Variants in SOX5 observed in about 807,000 individuals in gnomAD.
The protein encoded by SOX5 is transcription factor SOX-5.
Under a neutral mutation model 92.0 loss-of-function variants are expected in SOX5, and 9 were observed. The observed-to-expected ratio is 0.10, with a 90% CI of 0.06 to 0.17. The LOEUF is 0.17. SOX5 is among the 10% of genes least tolerant of loss of function. The pLI, the probability that SOX5 is intolerant of heterozygous loss-of-function variation, is 1.00. For missense variants in SOX5, 642 were observed against 944.5 expected, an observed-to-expected ratio of 0.68 and a Z score of 4.20; for synonymous variants, 344 against 336.3, an observed-to-expected ratio of 1.02 and a Z score of -0.25.
intron 1 of SOX5, among the ~76,000 whole-genome samples, chr12:24,419,798 T>C (rs1436912712): frequency 6.6e-6 from 1 of 152,192 alleles, no homozygotes; most frequent in Non-Finnish European, 1.5e-5. Flanking sequence ...AAGATAAACA[T>C]TGGCAAATGG....
chr12:23,767,177 A>C (rs2094760661), intron 3 of SOX5, among the ~76,000 whole-genome samples: 1 of 151,762 alleles, frequency 6.6e-6, no homozygotes, highest in South Asian at 2.1e-4. Context: ...ACTGCACTCC[A>C]GCCTGGGCAA....
At chr12:24,484,624 C>G (rs1369781922) in intron 1 of SOX5, among the ~76,000 whole-genome samples, 1 of 152,118 alleles carries the variant, frequency 6.6e-6, no homozygotes, top group Non-Finnish European at 1.5e-5. Flanking sequence ...GATAAAATAA[C>G]TCTCTTAAAG....
At chr12:23,649,842 A>C (rs977096292) in intron 7 of SOX5, among the ~76,000 whole-genome samples, 1 of 152,120 alleles carries the variant, frequency 6.6e-6, no homozygotes, top group African/African-American at 2.4e-5. Context: ...CAATTTTTCC[A>C]ACAAGATTAT....
At chr12:24,286,612 A>G (rs1049958605) in intron 2 of SOX5, among the ~76,000 whole-genome samples, 3 of 152,186 alleles carry the variant, frequency 2.0e-5, no homozygotes, top group African/African-American at 7.2e-5. Flanking sequence ...ATCATAGCTC[A>G]TTGCAACCTC....
intron 1 of SOX5, among the ~76,000 whole-genome samples, chr12:24,413,920 G>A (rs777568335): frequency 6.6e-6 from 1 of 152,180 alleles, no homozygotes; most frequent in Non-Finnish European, 1.5e-5. Flanking sequence ...ACACTTGAGT[G>A]TGTGCAAAAG....
intron 4 of SOX5, among the ~76,000 whole-genome samples, chr12:24,178,786 A>G (rs1282018227): frequency 1.3e-5 from 2 of 152,198 alleles, no homozygotes; most frequent in African/African-American, 4.8e-5. Context: ...AATTATTTCT[A>G]TTGCACAGAT....
At chr12:23,534,764 C>T (rs1323053866) in intron 14 of SOX5, among the ~76,000 whole-genome samples, 2 of 142,540 alleles carry the variant, frequency 1.4e-5, no homozygotes, top group African/African-American at 5.3e-5. Context: ...GGCTGCAGTG[C>T]AATGGCGTGA....
intron 2 of SOX5, among the ~76,000 whole-genome samples, chr12:24,335,812 TA>T (rs1014720702): frequency 2.6e-5 from 4 of 151,030 alleles, no homozygotes; most frequent in Admixed American, 6.6e-5. Flanking sequence ...TAAGCTCACA[TA>T]AAAAAAAGTT....
At chr12:23,692,251 A>G (rs1405033235) in intron 6 of SOX5, among the ~76,000 whole-genome samples, 1 of 151,880 alleles carries the variant, frequency 6.6e-6, no homozygotes, top group Non-Finnish European at 1.5e-5. Context: ...CGGCCAACAT[A>G]GTGAGACTCC....
At chr12:24,186,816 T>C (rs193135223) in intron 4 of SOX5, among the ~76,000 whole-genome samples, 9 of 152,322 alleles carry the variant, frequency 5.9e-5, no homozygotes, top group East Asian at 3.9e-4. Flanking sequence ...CTGGTTATTT[T>C]CTTTGGTTGG....
intron 1 of SOX5, among the ~76,000 whole-genome samples, chr12:24,503,582 C>T (rs1339321070): frequency 6.6e-6 from 1 of 152,056 alleles, no homozygotes; most frequent in Non-Finnish European, 1.5e-5. Flanking sequence ...ACCCAAATGC[C>T]CATCAATGAT....
At chr12:23,826,280 G>GT (rs1193473266) in intron 3 of SOX5, among the ~76,000 whole-genome samples, 1 of 151,392 alleles carries the variant, frequency 6.6e-6, no homozygotes, top group Non-Finnish European at 1.5e-5. Flanking sequence ...TGGTGTTTGG[G>GT]TTTTTTTGTC....
chr12:24,384,311 G>A (rs1003437713), intron 1 of SOX5, among the ~76,000 whole-genome samples: 1 of 152,188 alleles, frequency 6.6e-6, no homozygotes, highest in African/African-American at 2.4e-5. Flanking sequence ...AGGAGGCGGA[G>A]CCCAGGTGGT....
intron 1 of SOX5, among the ~76,000 whole-genome samples, chr12:24,435,757 GGTTT>G (rs143662939): frequency 0.19 from 29,332 of 152,024 alleles, 2,917 homozygotes; most frequent in Middle Eastern, 0.23. Flanking sequence ...CAGATACTGT[GGTTT>G]GTTTTTTTGT....
chr12:24,035,126 G>A (rs1460016173), intron 4 of SOX5, among the ~76,000 whole-genome samples: 1 of 152,076 alleles, frequency 6.6e-6, no homozygotes, highest in East Asian at 1.9e-4. Flanking sequence ...ATATACGATG[G>A]CAGTGACGCC....
chr12:23,583,717 A>C (rs950962625), intron 9 of SOX5, among the ~76,000 whole-genome samples: 3 of 152,162 alleles, frequency 2.0e-5, no homozygotes, highest in Non-Finnish European at 4.4e-5. Context: ...TAACCTCTAA[A>C]TGTAAATCTC....
chr12:24,240,222 A>G (rs1965310797), intron 3 of SOX5, among the ~76,000 whole-genome samples: 1 of 152,190 alleles, frequency 6.6e-6, no homozygotes. Context: ...TGATTTTAGT[A>G]CCAGATTACA....
intron 4 of SOX5, among the ~76,000 whole-genome samples, chr12:23,997,475 A>G (rs1004767291): frequency 6.6e-6 from 1 of 152,138 alleles, no homozygotes; most frequent in Non-Finnish European, 1.5e-5. Flanking sequence ...TTATAGGGAG[A>G]GCTGAAGAAA....
intron 1 of SOX5, among the ~76,000 whole-genome samples, chr12:24,512,792 G>T (rs1015518818): frequency 6.6e-6 from 1 of 152,108 alleles, no homozygotes; most frequent in Non-Finnish European, 1.5e-5. Flanking sequence ...AGAATACAGG[G>T]TTATCTCTAA....
Sources: allele counts gnomAD v4.1 joint callset (sites outside exome capture counted in the v4.1 genomes callset), GRCh38; gene constraint gnomAD v4.1.1; transcripts MANE v1.5; gene names NCBI Gene and HGNC (gene_info 2026-07-23, HGNC 2026-07-21).